The following LRRC4C variants were observed in gnomAD, a reference collection of about 807,000 sequenced individuals.
The protein encoded by LRRC4C is leucine rich repeat containing 4C.
Under a neutral mutation model 33.6 loss-of-function variants are expected in LRRC4C, and 5 were observed. The ratio of observed to expected loss-of-function variants is 0.15; its 90% CI spans 0.08 to 0.31. LRRC4C has a LOEUF of 0.31. LRRC4C is among the 10% of genes least tolerant of loss of function. LRRC4C has a pLI of 1.00. For synonymous variants in LRRC4C, 329 were observed against 302.0 expected, an observed-to-expected ratio of 1.09 and a Z score of -0.93; for missense variants, 560 against 796.7, an observed-to-expected ratio of 0.70 and a Z score of 3.58.
intron 1 of LRRC4C, among the ~76,000 whole-genome samples, chr11:41,225,810 G>A (rs770255085): frequency 2.3e-4 from 35 of 152,018 alleles, no homozygotes; most frequent in Non-Finnish European, 3.4e-4. Flanking sequence ...CATGCCAGCC[G>A]GTTTGACACC....
rs1023099936 is a variant in LRRC4C at position 41,167,351 on chromosome 11, A to G, written c.-495-233628T>C. Among the ~76,000 whole-genome samples, 4 of 152,180 alleles carry G rather than the reference A, an allele frequency of 2.6e-5. No individual in the cohort carries two copies. In the East Asian group the frequency reaches 7.7e-4, roughly 29 times the overall value. The stretch of plus-strand genomic sequence containing the variant: ...GCTGACAGTGCTTTCCCTCTTGGAC[A>G]ATGACCGTGATGATGCACCTGAACA... On this transcript the variant is annotated intron_variant, in intron 1 of 6. Coordinates refer to ENST00000528697, the MANE Select transcript of LRRC4C (RefSeq NM_001258419.2).
At chr11:41,155,934 T>G (rs1161457719) in intron 1 of LRRC4C, among the ~76,000 whole-genome samples, 1 of 152,092 alleles carries the variant, frequency 6.6e-6, no homozygotes, top group East Asian at 1.9e-4. Context: ...AAATCTGGAA[T>G]TAAACAAAGC....
chr11:40,844,859 C>CA (rs1953083401), intron 2 of LRRC4C, among the ~76,000 whole-genome samples: 1 of 151,952 alleles, frequency 6.6e-6, no homozygotes, highest in Non-Finnish European at 1.5e-5. Context: ...TTACCACACA[C>CA]AAAAAATGAT....
At chr11:40,206,682 T>G (rs945907783) in intron 5 of LRRC4C, among the ~76,000 whole-genome samples, 1 of 152,148 alleles carries the variant, frequency 6.6e-6, no homozygotes, top group Non-Finnish European at 1.5e-5. Flanking sequence ...CCATGTCTAT[T>G]AAAGATGTGT....
chr11:40,992,583 A>C lies in LRRC4C; in HGVS notation c.-495-58860T>G, dbSNP rs763030547. Among the ~76,000 whole-genome samples the C allele has an allele frequency of 2.0e-5, 3 of 152,130 alleles. No individual in the cohort carries two copies. In the East Asian group the frequency reaches 5.8e-4, roughly 29 times the overall value. On this transcript the variant is annotated intron_variant, in intron 1 of 6. Coordinates refer to ENST00000528697, the MANE Select transcript of LRRC4C (RefSeq NM_001258419.2). The stretch of plus-strand genomic sequence containing the variant: ...GAATATATCCAGTGATGAAGAATTC[A>C]CTACCTCTTAAGAAACTTCATTACA...
intron 2 of LRRC4C, among the ~76,000 whole-genome samples, chr11:40,825,876 AAG>A (rs1461118420): frequency 2.6e-5 from 4 of 150,996 alleles, no homozygotes. Flanking sequence ...AGAAAAAAAA[AAG>A]AAAAAAATTT....
chr11:41,159,691 A>G (rs913595470), intron 1 of LRRC4C, among the ~76,000 whole-genome samples: 1 of 152,142 alleles, frequency 6.6e-6, no homozygotes, highest in Non-Finnish European at 1.5e-5. Flanking sequence ...CAAGTATTAT[A>G]CTATTTTACA....
chr11:40,238,369 C>T (rs953657985), intron 5 of LRRC4C, among the ~76,000 whole-genome samples: 1 of 152,132 alleles, frequency 6.6e-6, no homozygotes, highest in Non-Finnish European at 1.5e-5. Flanking sequence ...TGGATAATGG[C>T]TAATGTTCTT....
chr11:41,238,547 A>C (rs537990116), intron 1 of LRRC4C, among the ~76,000 whole-genome samples: 13 of 152,292 alleles, frequency 8.5e-5, no homozygotes, highest in African/African-American at 1.2e-4. Context: ...GGATTTAAAA[A>C]TTGAGCTGCA....
intron 1 of LRRC4C, among the ~76,000 whole-genome samples, chr11:41,113,009 C>T (rs1941928800): frequency 6.6e-6 from 1 of 152,064 alleles, no homozygotes; most frequent in Admixed American, 6.6e-5. Context: ...TAAACAAGTA[C>T]ATTTTCTGAA....
chr11:40,228,295 C>T (rs955716545), intron 5 of LRRC4C, among the ~76,000 whole-genome samples: 2 of 152,172 alleles, frequency 1.3e-5, no homozygotes, highest in Non-Finnish European at 2.9e-5. Flanking sequence ...AGGCAAAATC[C>T]ATTGAATTTT....
chr11:40,582,497 T>C (rs1457230893), intron 3 of LRRC4C, among the ~76,000 whole-genome samples: 2 of 150,158 alleles, frequency 1.3e-5, no homozygotes, highest in Non-Finnish European at 3.0e-5. Context: ...TCGTACTTAT[T>C]TCTCTCCCTT....
intron 1 of LRRC4C, among the ~76,000 whole-genome samples, chr11:41,377,472 G>C (rs1417720917): frequency 6.6e-6 from 1 of 152,118 alleles, no homozygotes; most frequent in African/African-American, 2.4e-5. Flanking sequence ...ACCAGTACCA[G>C]TTATTTTTTC....
chr11:40,980,894 G>A (rs771460897), intron 1 of LRRC4C, among the ~76,000 whole-genome samples: 12 of 152,120 alleles, frequency 7.9e-5, no homozygotes, highest in Non-Finnish European at 1.5e-4. Flanking sequence ...TGCTCAGAGT[G>A]AGCAGAGCCT....
intron 1 of LRRC4C, among the ~76,000 whole-genome samples, chr11:41,296,699 AAAG>A (rs1950154130): frequency 6.6e-6 from 1 of 152,148 alleles, no homozygotes; most frequent in African/African-American, 2.4e-5. Flanking sequence ...CCAAGAAACT[AAAG>A]AAAGTACATT....
At chr11:40,221,274 T>C (rs953062326) in intron 5 of LRRC4C, among the ~76,000 whole-genome samples, 1 of 152,232 alleles carries the variant, frequency 6.6e-6, no homozygotes, top group Non-Finnish European at 1.5e-5. Context: ...ATTCTAAATG[T>C]CTTTGACTTG....
At chr11:41,153,602 G>T (rs1944096271) in intron 1 of LRRC4C, among the ~76,000 whole-genome samples, 1 of 152,268 alleles carries the variant, frequency 6.6e-6, no homozygotes, top group South Asian at 2.1e-4. Context: ...TGTTTAACTA[G>T]CTCACCATCA....
At chr11:40,578,049 T>C (rs1565521898) in intron 3 of LRRC4C, among the ~76,000 whole-genome samples, 1 of 150,404 alleles carries the variant, frequency 6.6e-6, no homozygotes, top group South Asian at 2.1e-4. Flanking sequence ...TTAGCCAGGA[T>C]GGTCTCAATC....
chr11:41,126,766 T>C (rs1942762881), intron 1 of LRRC4C, among the ~76,000 whole-genome samples: 1 of 152,008 alleles, frequency 6.6e-6, no homozygotes, highest in Non-Finnish European at 1.5e-5. Context: ...GATGAAGGAA[T>C]ATGTGGGGAG....
Sources: gnomAD v4.1 joint callset for allele counts (sites outside exome capture counted in the v4.1 genomes callset) on GRCh38, gnomAD v4.1.1 for gene constraint, MANE v1.5 for transcripts, NCBI Gene and HGNC (gene_info 2026-07-23, HGNC 2026-07-21) for gene names.